The following ATRNL1 variants were observed in gnomAD, a reference collection of about 807,000 sequenced individuals.
The protein encoded by ATRNL1 is attractin-like protein 1.
ATRNL1 carries 95 observed loss-of-function variants against 182.7 expected under a neutral mutation model. That is an observed-to-expected ratio of 0.52 (90% CI 0.44 to 0.62). The LOEUF is 0.62. Among genes scored for constraint, ATRNL1 ranks in the 20% least tolerant of loss-of-function variants. The pLI is 0.00. For missense variants in ATRNL1, 1,471 were observed against 1,679.5 expected (o/e 0.88, Z 2.17); for synonymous variants, 576 against 568.3 (o/e 1.01, Z -0.19).
chr10:115,738,144 T>G (rs1477464539), intron 27 of ATRNL1, among the ~76,000 whole-genome samples: 1 of 109,574 alleles, frequency 9.1e-6, no homozygotes, highest in African/African-American at 3.2e-5. Context: ...TTTTTTTTTT[T>G]TTTTTTTTTT....
At chr10:115,548,864 G>A (rs1164302141) in intron 25 of ATRNL1, among the ~76,000 whole-genome samples, 3 of 151,934 alleles carry the variant, frequency 2.0e-5, no homozygotes, top group East Asian at 1.9e-4. Context: ...CAACACCCCT[G>A]CACTCCTCTC....
At chr10:115,676,317 A>G (rs1945858735) in intron 26 of ATRNL1, among the ~76,000 whole-genome samples, 1 of 152,040 alleles carries the variant, frequency 6.6e-6, no homozygotes, top group South Asian at 2.1e-4. Flanking sequence ...ACCATAGCTT[A>G]ACTCATTAAA....
At chr10:115,733,582 G>A (rs782752407) in intron 27 of ATRNL1, among the ~76,000 whole-genome samples, 49 of 152,100 alleles carry the variant, frequency 3.2e-4, no homozygotes, top group Admixed American at 6.6e-4. Flanking sequence ...GTCCTATTAA[G>A]AGCATTGATG....
intron 19 of ATRNL1, among the ~76,000 whole-genome samples, chr10:115,381,964 C>A (rs1858039418): frequency 6.6e-6 from 1 of 151,792 alleles, no homozygotes; most frequent in African/African-American, 2.4e-5. Flanking sequence ...CTGTTCTTCC[C>A]CCATTTACTT....
At chr10:115,816,449 T>A (rs1164426186) in intron 27 of ATRNL1, among the ~76,000 whole-genome samples, 4 of 152,108 alleles carry the variant, frequency 2.6e-5, no homozygotes. Flanking sequence ...TCATAAGAAT[T>A]TCTATAGATT....
Position 115,515,404 on chromosome 10 carries a change from G to A in ATRNL1, c.3655-3859G>A, listed in dbSNP as rs532064932. On this transcript the variant is annotated intron_variant, in intron 24 of 28. Coordinates refer to ENST00000355044, the MANE Select transcript of ATRNL1 (RefSeq NM_207303.4). ...AGGATATCAAAAACTATCCTGCTAC[G>A]CCCACTGCCCACTCAGAACTCTGTC... Among the ~76,000 whole-genome samples, 10 of 145,642 alleles carry A rather than the reference G, an allele frequency of 6.9e-5. No homozygotes were observed. The East Asian group carries it at 1.0e-3, about 15-fold the overall frequency.
At chr10:115,378,931 G>A (rs1265624499) in intron 19 of ATRNL1, among the ~76,000 whole-genome samples, 4 of 152,128 alleles carry the variant, frequency 2.6e-5, no homozygotes, top group Admixed American at 6.5e-5. Context: ...GATGATGCAA[G>A]CAAGGAAATA....
At chr10:115,819,909 A>G (rs1950252984) in intron 27 of ATRNL1, 3 of 151,952 alleles carry the variant, frequency 2.0e-5, no homozygotes, top group Non-Finnish European at 2.9e-5. Context: ...GTCAAAAAAA[A>G]AAAACCCTAA....
chr10:115,488,035 C>T (rs145049156), intron 24 of ATRNL1, among the ~76,000 whole-genome samples: 45 of 152,176 alleles, frequency 3.0e-4, no homozygotes, highest in East Asian at 1.5e-3. Flanking sequence ...TATTGATTTG[C>T]GTATGTTGAA....
chr10:115,408,683 A>G (rs1844983690), intron 20 of ATRNL1, among the ~76,000 whole-genome samples: 1 of 151,628 alleles, frequency 6.6e-6, no homozygotes, highest in Non-Finnish European at 1.5e-5. Context: ...GTTTTTTTCT[A>G]GTAGTTTTAT....
intron 9 of ATRNL1, among the ~76,000 whole-genome samples, chr10:115,221,758 C>T (rs1051410046): frequency 2.0e-5 from 3 of 152,092 alleles, no homozygotes; most frequent in Admixed American, 6.5e-5. Context: ...TTTAGTCTGG[C>T]CCCTGAGATT....
chr10:115,617,148 C>T (rs1310678345), intron 26 of ATRNL1, among the ~76,000 whole-genome samples: 1 of 152,198 alleles, frequency 6.6e-6, no homozygotes, highest in East Asian at 1.9e-4. Context: ...CTTGGGAGCC[C>T]ACCTCTTGCA....
chr10:115,126,725 A>T (rs1554873632), intron 3 of ATRNL1, among the ~76,000 whole-genome samples: 1 of 152,218 alleles, frequency 6.6e-6, no homozygotes, highest in East Asian at 1.9e-4. Context: ...AGTGGTACCT[A>T]AACATAATTT....
At chr10:115,745,961 T>C (rs1465869690) in intron 27 of ATRNL1, among the ~76,000 whole-genome samples, 1 of 152,162 alleles carries the variant, frequency 6.6e-6, no homozygotes, top group Non-Finnish European at 1.5e-5. Flanking sequence ...AATATCTTCA[T>C]AAAATAAACA....
chr10:115,937,424 T>TA (rs1953594125), intron 28 of ATRNL1, among the ~76,000 whole-genome samples: 1 of 152,188 alleles, frequency 6.6e-6, no homozygotes, highest in Non-Finnish European at 1.5e-5. Flanking sequence ...CTTCGGCACT[T>TA]GAAGTTTTTC....
chr10:115,325,209 G>C (rs950193286), intron 18 of ATRNL1, among the ~76,000 whole-genome samples: 3 of 152,042 alleles, frequency 2.0e-5, no homozygotes, highest in Admixed American at 6.6e-5. Flanking sequence ...AAAATTTAGA[G>C]AAAATAGAAT....
intron 19 of ATRNL1, among the ~76,000 whole-genome samples, chr10:115,381,892 G>C (rs1010423754): frequency 6.6e-6 from 1 of 151,954 alleles, no homozygotes; most frequent in African/African-American, 2.4e-5. Context: ...ATGTGTAGGA[G>C]TCCAAGTCTA....
intron 15 of ATRNL1, among the ~76,000 whole-genome samples, chr10:115,295,373 C>A (rs10399963): frequency 6.6e-6 from 1 of 152,136 alleles, no homozygotes; most frequent in South Asian, 2.1e-4. Context: ...GGCTTTCTGG[C>A]GAGCCTGTGG....
chr10:115,746,501 T>C (rs960674731), intron 27 of ATRNL1, among the ~76,000 whole-genome samples: 1 of 152,068 alleles, frequency 6.6e-6, no homozygotes, highest in Non-Finnish European at 1.5e-5. Flanking sequence ...GTTTCTTTGA[T>C]AGCATTTTAT....
Sources: gnomAD v4.1 joint callset for allele counts (sites outside exome capture counted in the v4.1 genomes callset) on GRCh38, gnomAD v4.1.1 for gene constraint, MANE v1.5 for transcripts, NCBI Gene and HGNC (gene_info 2026-07-23, HGNC 2026-07-21) for gene names.